The following ZNF503 variants were observed in gnomAD, a reference collection of about 807,000 sequenced individuals.
ZNF503 encodes the protein zinc finger protein 503.
A neutral mutation model predicts 34.4 loss-of-function variants in ZNF503; 15 were observed. The observed-to-expected ratio is 0.44, with a 90% confidence interval of 0.29 to 0.67. The LOEUF is 0.67. Among genes scored for constraint, ZNF503 ranks in the 30% least tolerant of loss-of-function variants. ZNF503 has a pLI of 0.13. For synonymous variants in ZNF503, 580 were observed against 456.8 expected, an observed-to-expected ratio of 1.27 and a Z score of -3.44; for missense variants, 1,007 against 926.8, an observed-to-expected ratio of 1.09 and a Z score of -1.12.
chr10:75,332,525 G>C, the ZNF503 span, among the ~76,000 whole-genome samples: 2 of 144,510 alleles, frequency 1.4e-5, no homozygotes, highest in Admixed American at 1.4e-4. Context: ...TCTCACAGAG[G>C]GGGATTTGGC....
chr10:75,283,822 C>T, the ZNF503 span: 1 of 152,236 alleles, frequency 6.6e-6, no homozygotes, highest in Non-Finnish European at 1.5e-5. Flanking sequence ...GCAGCTTCAG[C>T]TGTAAGCAGC....
the ZNF503 span, among the ~76,000 whole-genome samples, chr10:75,341,489 T>C: frequency 6.6e-6 from 1 of 152,252 alleles, no homozygotes; most frequent in Non-Finnish European, 1.5e-5. Flanking sequence ...CAATCATTTA[T>C]GTCTTTCTCT....
the ZNF503 span, among the ~76,000 whole-genome samples, chr10:75,290,713 C>G: frequency 2.8e-4 from 42 of 152,192 alleles, no homozygotes; most frequent in African/African-American, 9.7e-4. Flanking sequence ...CATCCATAAA[C>G]TTAGGAAGAT....
At chr10:75,288,085 C>T in the ZNF503 span, among the ~76,000 whole-genome samples, 2 of 152,242 alleles carry the variant, frequency 1.3e-5, no homozygotes, top group African/African-American at 2.4e-5. Flanking sequence ...GTGAGCCAAG[C>T]CACACAGGGC....
At chr10:75,292,949 G>A in the ZNF503 span, among the ~76,000 whole-genome samples, 3 of 152,036 alleles carry the variant, frequency 2.0e-5, no homozygotes, top group East Asian at 3.9e-4. Context: ...CCCCAGCCCC[G>A]AGCCCTATGT....
rs747123943 is a variant in ZNF503 at position 75,399,994 on chromosome 10, GCTGGAGCTCGGGCTGCCTGTC to G, written c.675_695del (p.Arg225_Ser231del). ...TACCTCCCGGCGAGCAGGCCGAGGC[GCTGGAGCTCGGGCTGCCTGTC>G]CTGGGCGTGAATGGCTGGCAGGTGG... On this transcript the variant is annotated inframe_deletion, in exon 2 of 2. Transcript: ENST00000372524. The G allele has an allele frequency of 3.1e-6, 5 of 1,605,276 alleles. No individual in the cohort carries two copies. Among genetic ancestry groups the G allele is most frequent in the Non-Finnish European group, 4.2e-6 (5 of 1,179,172 alleles).
the ZNF503 span, among the ~76,000 whole-genome samples, chr10:75,379,538 C>T: frequency 8.9e-3 from 1,355 of 152,306 alleles, 30 homozygotes; most frequent in Admixed American, 0.051. Context: ...CAATAAATCA[C>T]TGCTTCACGT....
chr10:75,367,741 C>G, the ZNF503 span, among the ~76,000 whole-genome samples: 1 of 152,194 alleles, frequency 6.6e-6, no homozygotes, highest in African/African-American at 2.4e-5. Context: ...CGATCCTTAT[C>G]TCCTTTGTTC....
the ZNF503 span, among the ~76,000 whole-genome samples, chr10:75,304,792 A>G: frequency 1.3e-5 from 2 of 152,236 alleles, no homozygotes; most frequent in African/African-American, 2.4e-5. Context: ...AAAAAATCAC[A>G]AATATCCAGA....
At chr10:75,356,359 C>A in the ZNF503 span, among the ~76,000 whole-genome samples, 6 of 152,176 alleles carry the variant, frequency 3.9e-5, no homozygotes, top group Non-Finnish European at 8.8e-5. Context: ...TGGGACTACA[C>A]GCACCTGCCA....
At chr10:75,330,532 T>C in the ZNF503 span, among the ~76,000 whole-genome samples, 4 of 152,342 alleles carry the variant, frequency 2.6e-5, no homozygotes, top group South Asian at 8.3e-4. Flanking sequence ...TTGTTACTTG[T>C]AATTGGTCTA....
At chr10:75,361,157 T>G in the ZNF503 span, 1 of 152,236 alleles carries the variant, frequency 6.6e-6, no homozygotes, top group East Asian at 1.9e-4. Context: ...ATCCCAGCTC[T>G]TACTAAGTTG....
At chr10:75,355,333 T>G in the ZNF503 span, among the ~76,000 whole-genome samples, 1 of 152,216 alleles carries the variant, frequency 6.6e-6, no homozygotes, top group African/African-American at 2.4e-5. Context: ...ATTTGCAGAT[T>G]GGAATGGGTA....
chr10:75,355,062 C>T, the ZNF503 span, among the ~76,000 whole-genome samples: 2 of 152,072 alleles, frequency 1.3e-5, no homozygotes, highest in Non-Finnish European at 2.9e-5. Flanking sequence ...TCAGGTTGGT[C>T]TCAAACTCCT....
chr10:75,281,832 C>A, the ZNF503 span, among the ~76,000 whole-genome samples: 1 of 152,194 alleles, frequency 6.6e-6, no homozygotes, highest in East Asian at 1.9e-4. Flanking sequence ...AAATTCTCCC[C>A]CTCCCCCTTA....
chr10:75,283,677 C>T, the ZNF503 span: 2 of 152,028 alleles, frequency 1.3e-5, no homozygotes, highest in South Asian at 2.1e-4. Flanking sequence ...TCCGAGGAGT[C>T]TGGGTTTAAT....
the ZNF503 span, among the ~76,000 whole-genome samples, chr10:75,376,689 C>A: frequency 1.3e-5 from 2 of 151,934 alleles, no homozygotes; most frequent in Non-Finnish European, 2.9e-5. Context: ...TGGTTTAATA[C>A]CTGAGAGAGG....
At chr10:75,324,862 G>A in the ZNF503 span, among the ~76,000 whole-genome samples, 1 of 151,964 alleles carries the variant, frequency 6.6e-6, no homozygotes, top group Non-Finnish European at 1.5e-5. Flanking sequence ...TCTACTTTTT[G>A]TCTCTGTAGA....
At chr10:75,337,399 C>T in the ZNF503 span, among the ~76,000 whole-genome samples, 873 of 151,208 alleles carry the variant, frequency 5.8e-3, 8 homozygotes, top group African/African-American at 0.02. Context: ...TCGAGGTGGG[C>T]GGATCACGAG....
Sources: allele counts gnomAD v4.1 joint callset (sites outside exome capture counted in the v4.1 genomes callset), GRCh38; gene constraint gnomAD v4.1.1; transcripts MANE v1.5; gene names NCBI Gene and HGNC (gene_info 2026-07-23, HGNC 2026-07-21).